The following NRG1 variants were observed in gnomAD, a reference collection of about 807,000 sequenced individuals.
NRG1 encodes the protein pro-neuregulin-1, membrane-bound isoform.
NRG1 carries 18 observed loss-of-function variants against 63.8 expected under a neutral mutation model. The ratio of observed to expected loss-of-function variants is 0.28; its 90% CI spans 0.19 to 0.42. The LOEUF is 0.42. Ranked by LOEUF, NRG1 falls within the 10% of genes least tolerant of loss-of-function variation. The pLI, the probability that NRG1 is intolerant of heterozygous loss-of-function variation, is 1.00. For missense variants in NRG1, 762 were observed against 814.7 expected (o/e 0.94, Z 0.79); for synonymous variants, 302 against 301.3 (o/e 1.00, Z -0.02).
chr8:31,839,556 A>G (rs940626527), intron 1 of NRG1, among the ~76,000 whole-genome samples: 11 of 152,184 alleles, frequency 7.2e-5, no homozygotes, highest in African/African-American at 2.4e-4. Context: ...AGTCAAGGGT[A>G]TCCTTTTTGT....
intron 1 of NRG1, among the ~76,000 whole-genome samples, chr8:31,680,495 A>G (rs1159970020): frequency 1.3e-5 from 2 of 151,780 alleles, no homozygotes; most frequent in African/African-American, 4.8e-5. Context: ...GCTGCATAGT[A>G]TTCCATGGTG....
At chr8:32,087,449 T>A (rs1828391556) in intron 1 of NRG1, among the ~76,000 whole-genome samples, 1 of 149,638 alleles carries the variant, frequency 6.7e-6, no homozygotes, top group Admixed American at 6.7e-5. Context: ...TTTTATTTCT[T>A]AAATTACCCA....
intron 1 of NRG1, among the ~76,000 whole-genome samples, chr8:31,938,878 A>T (rs563970323): frequency 2.2e-4 from 34 of 152,284 alleles, no homozygotes; most frequent in African/African-American, 3.4e-4. Context: ...AAAGAATTTT[A>T]AAAAAATGAA....
At chr8:31,654,946 TA>T (rs750443207) in intron 1 of NRG1, among the ~76,000 whole-genome samples, 52 of 152,042 alleles carry the variant, frequency 3.4e-4, no homozygotes, top group Non-Finnish European at 2.9e-4. Flanking sequence ...TCTTTAAAAA[TA>T]AAAAATAAAA....
intron 1 of NRG1, among the ~76,000 whole-genome samples, chr8:32,166,753 A>C (rs57941555): frequency 0.056 from 8,521 of 152,232 alleles, 397 homozygotes; most frequent in East Asian, 0.26. Flanking sequence ...AAAAGTAGGA[A>C]TGTATCCCCA....
In NRG1 at chr8:32,431,645, C is replaced by G. The variant is rs77438153; in HGVS notation, c.38-164183C>G. On this transcript the variant is annotated intron_variant, in intron 1 of 10. Coordinates refer to the NRG1 transcript ENST00000519301. Reference sequence around the variant, plus strand: ...CCTTAGAAAGGAGGTCTTCATATACCCTGTCTGTGCTTATTTTGTGTTTTC... The same window carrying G: ...CCTTAGAAAGGAGGTCTTCATATACGCTGTCTGTGCTTATTTTGTGTTTTC... 7.4e-3 allele frequency among the ~76,000 whole-genome samples: 1,133 copies of G among 152,092 alleles called. 17 individuals carry two copies. Among genetic ancestry groups the G allele is most frequent in the African/African-American group, 0.025 (1,040 of 41,464 alleles).
chr8:31,967,390 G>T (rs780003840), intron 1 of NRG1, among the ~76,000 whole-genome samples: 4 of 151,956 alleles, frequency 2.6e-5, no homozygotes, highest in African/African-American at 9.7e-5. Flanking sequence ...TAGTACATCC[G>T]CACTCAGCCT....
chr8:31,639,446 GAGGCGC>G (rs1053635594), intron 1 of NRG1: 1 of 1,534,310 alleles, frequency 6.5e-7, no homozygotes, highest in African/African-American at 1.4e-5. Context: ...ACAGGCTGGC[GAGGCGC>G]AGGACGCTGT....
intron 1 of NRG1, among the ~76,000 whole-genome samples, chr8:32,264,455 C>G (rs376671420): frequency 2.3e-4 from 35 of 152,220 alleles, no homozygotes; most frequent in African/African-American, 7.7e-4. Flanking sequence ...GTAAATCAAG[C>G]TTTCTAGTAA....
intron 1 of NRG1, among the ~76,000 whole-genome samples, chr8:32,001,866 G>A (rs1453352898): frequency 6.6e-6 from 1 of 151,914 alleles, no homozygotes; most frequent in Non-Finnish European, 1.5e-5. Context: ...TTGATCACTG[G>A]GCTGAGGTAG....
intron 1 of NRG1, among the ~76,000 whole-genome samples, chr8:31,696,376 T>G (rs1810062000): frequency 6.6e-6 from 1 of 152,188 alleles, no homozygotes; most frequent in Non-Finnish European, 1.5e-5. Flanking sequence ...CTATTGAGTG[T>G]TTAGTATGTG....
In NRG1 at chr8:32,743,776, T is replaced by C. The variant is rs377109262; in HGVS notation, c.691+1043T>C. 2.2e-4 allele frequency among the ~76,000 whole-genome samples: 33 copies of C among 151,994 alleles called. No homozygotes were observed. In the South Asian group the frequency reaches 4.8e-3, roughly 22 times the overall value. Reference sequence around the variant, plus strand: ...ACTTCTGATCCTGGAGCTTTCAAAATATTGCATTTAAAATGCATATCATGT... The same window carrying C: ...ACTTCTGATCCTGGAGCTTTCAAAACATTGCATTTAAAATGCATATCATGT... On this transcript the variant is annotated intron_variant, in intron 7 of 11. Coordinates refer to ENST00000356819, the Ensembl canonical transcript of NRG1.
chr8:32,506,991 A>T (rs373738066), intron 1 of NRG1, among the ~76,000 whole-genome samples: 1 of 152,216 alleles, frequency 6.6e-6, no homozygotes, highest in Non-Finnish European at 1.5e-5. Flanking sequence ...AATTTATTGA[A>T]CAATGTATTA....
At chr8:31,952,394 A>G (rs1386396566) in intron 1 of NRG1, among the ~76,000 whole-genome samples, 1 of 152,232 alleles carries the variant, frequency 6.6e-6, no homozygotes, top group East Asian at 1.9e-4. Flanking sequence ...GGCTTCAGAG[A>G]AGAAGCAAAA....
At chr8:32,462,673 G>A (rs183192469) in intron 1 of NRG1, among the ~76,000 whole-genome samples, 106 of 143,696 alleles carry the variant, frequency 7.4e-4, no homozygotes, top group Admixed American at 1.6e-3. Flanking sequence ...GCGCAATCTC[G>A]GCTCACTGCA....
intron 1 of NRG1, among the ~76,000 whole-genome samples, chr8:32,287,869 T>C (rs1853724473): frequency 6.6e-6 from 1 of 152,204 alleles, no homozygotes; most frequent in Admixed American, 6.5e-5. Flanking sequence ...TTTGATAACA[T>C]TGAGATACCA....
chr8:31,720,153 A>T (rs1202347973), intron 1 of NRG1, among the ~76,000 whole-genome samples: 1 of 152,170 alleles, frequency 6.6e-6, no homozygotes. Context: ...ATGAAAATGT[A>T]TTTTAATGAT....
At chr8:32,316,427 G>A (rs2129476332) in intron 1 of NRG1, among the ~76,000 whole-genome samples, 1 of 145,074 alleles carries the variant, frequency 6.9e-6, no homozygotes, top group Admixed American at 7.2e-5. Flanking sequence ...AGTGAGCCAA[G>A]ATCGTGCCAC....
exon 12 of NRG1, chr8:32,765,318 G>A (rs895939245): frequency 6.6e-6 from 1 of 152,160 alleles, no homozygotes; most frequent in Non-Finnish European, 1.5e-5. Context: ...TGAAGCTAGT[G>A]ATTGGTTGTG....
Sources: gnomAD v4.1 joint callset for allele counts (sites outside exome capture counted in the v4.1 genomes callset) on GRCh38, gnomAD v4.1.1 for gene constraint, MANE v1.5 for transcripts, NCBI Gene and HGNC (gene_info 2026-07-23, HGNC 2026-07-21) for gene names.